MAP2K2: variants seen among roughly 807,000 people sequenced by gnomAD.
MAP2K2 encodes the protein dual specificity mitogen-activated protein kinase kinase 2.
Under a neutral mutation model 43.7 loss-of-function variants are expected in MAP2K2, and 24 were observed. The ratio of observed to expected loss-of-function variants is 0.55; its 90% CI spans 0.40 to 0.77. The LOEUF (loss-of-function observed/expected upper bound fraction) is 0.77. Among genes scored for constraint, MAP2K2 ranks in the 30% least tolerant of loss-of-function variants. MAP2K2 has a pLI of 0.00. For missense variants in MAP2K2, 470 were observed against 566.8 expected, an observed-to-expected ratio of 0.83 and a Z score of 1.73; for synonymous variants, 244 against 239.7, an observed-to-expected ratio of 1.02 and a Z score of -0.17.
chr19:4,107,309 G>A (rs898778117), intron 3 of MAP2K2, among the ~76,000 whole-genome samples: 5 of 151,986 alleles, frequency 3.3e-5, no homozygotes, highest in African/African-American at 1.2e-4. Flanking sequence ...CGGATCACGA[G>A]GTCAGGAGAT....
intron 4 of MAP2K2, among the ~76,000 whole-genome samples, chr19:4,102,004 T>A (rs1229125680): frequency 1.3e-5 from 2 of 152,092 alleles, no homozygotes; most frequent in African/African-American, 4.8e-5. Context: ...ATGGTGAGTG[T>A]GTCTGGAGGT....
intron 3 of MAP2K2, among the ~76,000 whole-genome samples, chr19:4,107,561 T>C (rs1245489569): frequency 7.1e-6 from 1 of 139,946 alleles, no homozygotes; most frequent in Admixed American, 7.2e-5. Flanking sequence ...CTTAAAAAGC[T>C]ACTCAAGCGT....
chr19:4,111,927 T>C (rs1187165056), intron 2 of MAP2K2, among the ~76,000 whole-genome samples: 1 of 151,920 alleles, frequency 6.6e-6, no homozygotes. Flanking sequence ...CACTCCAGCC[T>C]GGGGGACAAG....
At chr19:4,094,419 C>A (rs972971223) in intron 10 of MAP2K2, 34 bp downstream of exon 10, 3 of 1,551,414 alleles carry the variant, frequency 1.9e-6, no homozygotes, top group Non-Finnish European at 2.6e-6. Flanking sequence ...CAGCCTGCAC[C>A]CTCCCGGTCC....
At chr19:4,099,518 T>A in intron 6 of MAP2K2, 104 bp from the exon 7 acceptor site, 1 of 903,744 alleles carries the variant, frequency 1.1e-6, no homozygotes, top group African/African-American at 1.6e-5. Context: ...CCATGGCTAA[T>A]GACCGCAGCA....
chr19:4,121,876 C>CTCTCCCCCATA (rs2041301057), intron 1 of MAP2K2, among the ~76,000 whole-genome samples: 1 of 94,384 alleles, frequency 1.1e-5, no homozygotes, highest in Non-Finnish European at 2.2e-5. Context: ...CCCACCCCAT[C>CTCTCCCCCATA]GTGACCCCCT....
intron 1 of MAP2K2, among the ~76,000 whole-genome samples, chr19:4,120,080 G>T (rs1467072626): frequency 3.9e-5 from 6 of 152,224 alleles, no homozygotes; most frequent in African/African-American, 1.4e-4. Flanking sequence ...CAGGCAGGAG[G>T]GAACAGACTC....
chr19:4,091,760 C>T (rs934794845), intron 10 of MAP2K2, among the ~76,000 whole-genome samples: 1 of 151,780 alleles, frequency 6.6e-6, no homozygotes, highest in Non-Finnish European at 1.5e-5. Context: ...GCAATTCTCC[C>T]GCCTCAGCCT....
intron 3 of MAP2K2, among the ~76,000 whole-genome samples, chr19:4,109,833 GCTTACCTCACAGGTGTGCC>G (rs2041132120): frequency 6.6e-6 from 1 of 152,048 alleles, no homozygotes; most frequent in African/African-American, 2.4e-5. Flanking sequence ...CCCTCACACA[GCTTACCTCACAGGTGTGCC>G]TGCGAGTCAG....
chr19:4,108,499 C>T (rs948087071), intron 3 of MAP2K2, among the ~76,000 whole-genome samples: 2 of 151,648 alleles, frequency 1.3e-5, no homozygotes, highest in East Asian at 1.9e-4. Flanking sequence ...GAACTCGCCT[C>T]GGCCTCCCAA....
chr19:4,121,696 C>T (rs2041296707), intron 1 of MAP2K2, among the ~76,000 whole-genome samples: 1 of 123,662 alleles, frequency 8.1e-6, no homozygotes, highest in Admixed American at 8.1e-5. Context: ...TCCCACTAGA[C>T]CTCCCCCAGC....
chr19:4,102,353 A>T (rs779781027), intron 4 of MAP2K2, 23 bp downstream of exon 4: 1 of 1,574,578 alleles, frequency 6.4e-7, no homozygotes. Flanking sequence ...TGGGGGCGCG[A>T]TGTGGGTCTG....
intron 8 of MAP2K2, 105 bp from the exon 9 acceptor site, chr19:4,095,554 G>T: frequency 1.1e-6 from 1 of 925,868 alleles, no homozygotes; most frequent in Non-Finnish European, 1.7e-6. Context: ...CCACCCTGCA[G>T]GCCTGGCCGA....
In MAP2K2 at chr19:4,101,443, G is replaced by A. The variant is rs1668619300; in HGVS notation, c.529-163C>T. The stretch of plus-strand genomic sequence containing the variant: ...CGCTGGGGTGGAGCAAGCGAGGCCA[G>A]AGACGAGACAGTGCTGACAGCCCTG... On this transcript the variant is annotated intron_variant, in intron 4 of 10. Coordinates refer to ENST00000262948, the MANE Select transcript of MAP2K2 (RefSeq NM_030662.4). The surrounding 1 kb of genome is among the most constrained non-coding windows in gnomAD (Gnocchi z 6.3). Among the ~76,000 whole-genome samples, 1 of 152,186 alleles carries A rather than the reference G, an allele frequency of 6.6e-6. No homozygotes were observed. The highest frequency in any genetic ancestry group is 2.1e-4 in the South Asian group (1 of 4,836).
chr19:4,103,193 G>A (rs559202055), intron 3 of MAP2K2: 2 of 988,282 alleles, frequency 2.0e-6, no homozygotes, highest in South Asian at 9.3e-5. Context: ...TCGCCACTGT[G>A]CCGGGCATCC....
intron 2 of MAP2K2, among the ~76,000 whole-genome samples, chr19:4,111,497 T>C (rs973110984): frequency 1.3e-5 from 2 of 152,152 alleles, no homozygotes; most frequent in Non-Finnish European, 2.9e-5. Flanking sequence ...CTTCCCACCC[T>C]CAAGCTGGAG....
At chr19:4,096,596 G>A (rs1334357786) in intron 8 of MAP2K2, among the ~76,000 whole-genome samples, 2 of 152,204 alleles carry the variant, frequency 1.3e-5, no homozygotes, top group Non-Finnish European at 2.9e-5. Context: ...GGGGACTGAC[G>A]GAGCAGGAGC....
chr19:4,116,966 G>A (rs545485127), intron 2 of MAP2K2, among the ~76,000 whole-genome samples: 63 of 152,248 alleles, frequency 4.1e-4, no homozygotes, highest in African/African-American at 1.5e-3. Context: ...ACATACAGAA[G>A]GCACAGCAAA....
At chr19:4,100,435 A>G (rs2040988360) in intron 6 of MAP2K2, 3 of 151,066 alleles carry the variant, frequency 2.0e-5, no homozygotes, top group African/African-American at 7.4e-5. Context: ...GTCTCAAAAA[A>G]AAAAAAAAAA....
Sources: gnomAD v4.1 joint callset for allele counts (sites outside exome capture counted in the v4.1 genomes callset) on GRCh38, gnomAD v4.1.1 for gene constraint, Gnocchi (gnomAD v3.1) non-coding constraint, MANE v1.5 for transcripts, NCBI Gene and HGNC (gene_info 2026-07-23, HGNC 2026-07-21) for gene names.